TLL1: variants seen among roughly 807,000 people sequenced by gnomAD.
TLL1 encodes the protein tolloid like 1, also known as tolloid-like protein 1.
Under a neutral mutation model 128.2 loss-of-function variants are expected in TLL1, and 49 were observed. That is an observed-to-expected ratio of 0.38 (90% CI 0.30 to 0.48). TLL1 has a LOEUF of 0.48. Among genes scored for constraint, TLL1 ranks in the 20% least tolerant of loss-of-function variants. The probability of loss-of-function intolerance (pLI) is 0.96; values close to 1 mark genes in which losing one functional copy is unlikely to be tolerated. For missense variants in TLL1, 1,123 were observed against 1,242.0 expected, an observed-to-expected ratio of 0.90 and a Z score of 1.44; for synonymous variants, 454 against 418.8, an observed-to-expected ratio of 1.08 and a Z score of -1.03.
rs199821302 is a variant in TLL1, at chr4:166,092,980, TGCCCGTGCAC to T, written c.2656+1643_2656+1652del. Among the ~76,000 whole-genome samples, 898 of 152,280 alleles carry T rather than the reference TGCCCGTGCAC, an allele frequency of 5.9e-3. 16 individuals carry two copies. The highest frequency in any genetic ancestry group is 0.054 in the East Asian group (277 of 5,152). On this transcript the variant is annotated intron_variant, in intron 19 of 20. Coordinates refer to ENST00000061240, the MANE Select transcript of TLL1 (RefSeq NM_012464.5). ...ATAACTCCCTAATTTGCATGACTTC[TGCCCGTGCAC>T]GCCATTTGCGGTGTTTGCATTATGA...
intron 1 of TLL1, among the ~76,000 whole-genome samples, chr4:165,896,479 C>CTTTTTTTTTTTTTTT (rs70955648): frequency 2.0e-5 from 2 of 102,162 alleles, no homozygotes; most frequent in Non-Finnish European, 4.0e-5. Context: ...AATGGTATTT[C>CTTTTTTTTTTTTTTT]TTTTTTTTTT....
intron 8 of TLL1, among the ~76,000 whole-genome samples, chr4:166,024,791 C>A (rs1387840601): frequency 6.6e-6 from 1 of 151,254 alleles, no homozygotes; most frequent in Non-Finnish European, 1.5e-5. Flanking sequence ...TGTTTATATA[C>A]ATATATATTT....
chr4:166,093,652 G>A (rs1436759349), intron 19 of TLL1, among the ~76,000 whole-genome samples: 2 of 152,092 alleles, frequency 1.3e-5, no homozygotes, highest in African/African-American at 2.4e-5. Context: ...TACAGGTGTC[G>A]GGCTGGGGGA....
intron 1 of TLL1, among the ~76,000 whole-genome samples, chr4:165,959,270 G>T (rs952989038): frequency 1.1e-4 from 17 of 152,066 alleles, no homozygotes; most frequent in African/African-American, 4.1e-4. Context: ...TAGCTTGATG[G>T]GGATGGCATT....
At chr4:165,977,203 G>T (rs1183333767) in intron 1 of TLL1, among the ~76,000 whole-genome samples, 1 of 152,188 alleles carries the variant, frequency 6.6e-6, no homozygotes, top group Non-Finnish European at 1.5e-5. Flanking sequence ...ATCTCCACAT[G>T]TCGAGGGCAG....
intron 19 of TLL1, among the ~76,000 whole-genome samples, chr4:166,099,029 T>C (rs1042705567): frequency 6.6e-6 from 1 of 152,094 alleles, no homozygotes; most frequent in African/African-American, 2.4e-5. Flanking sequence ...CTCAAAGACA[T>C]CACTTACCCA....
At chr4:165,951,808 A>G (rs948464547) in intron 1 of TLL1, among the ~76,000 whole-genome samples, 2 of 152,126 alleles carry the variant, frequency 1.3e-5, no homozygotes, top group East Asian at 1.9e-4. Flanking sequence ...ACATCTTGCT[A>G]TATTCCAGAA....
Position 166,091,188 on chromosome 4 carries a change from T to C in TLL1, c.2503T>C (p.Phe835Leu), listed in dbSNP as rs1308007131. ...ATGTGCTTATGACCACTTAGAAGTA[T>C]TTGATGGAGAAACAGAAAAGTCACC... ...QECAYDHLEV[F>L]DGETEKSPIL... The change falls in exon 19 of 21, where the codon TTT (phenylalanine) becomes CTT (leucine). Residue 835 changes from phenylalanine (F) to leucine (L), a missense_variant. This residue lies in a region of TLL1 where 634 missense variants were observed against 672.4 expected (regional missense o/e 0.94). Coordinates refer to ENST00000061240, the MANE Select transcript of TLL1 (RefSeq NM_012464.5). The C allele has an allele frequency of 1.9e-6, 3 of 1,613,240 alleles. No individual in the cohort carries two copies. The highest frequency in any genetic ancestry group is 1.1e-5 in the South Asian group (1 of 91,064).
At position 165,991,509 on chromosome 4, in the gene TLL1, C is replaced by A. The variant is rs148774425; in HGVS notation, c.281-1295C>A. On this transcript the variant is annotated intron_variant, in intron 2 of 20. Coordinates refer to ENST00000061240, the MANE Select transcript of TLL1 (RefSeq NM_012464.5). ...TCTAAAATGTGCAATGAAAAAATTTCAAAAATGTTTCTCAAGATGCACAGC... is the reference window on the plus strand; with the variant it reads ...TCTAAAATGTGCAATGAAAAAATTTAAAAAATGTTTCTCAAGATGCACAGC... 4.5e-3 allele frequency among the ~76,000 whole-genome samples: 691 copies of A among 151,922 alleles called. 9 individuals are homozygous for A. Among genetic ancestry groups the A allele is most frequent in the African/African-American group, 0.015 (622 of 41,502 alleles).
At chr4:165,894,410 T>A (rs1460059) in intron 1 of TLL1, among the ~76,000 whole-genome samples, 75,242 of 152,004 alleles carry the variant, frequency 0.49, 19,965 homozygotes, top group East Asian at 0.86. Flanking sequence ...AAACTGGTAC[T>A]TAACGGAGTA....
intron 1 of TLL1, among the ~76,000 whole-genome samples, chr4:165,884,007 A>G (rs1380585): frequency 0.59 from 88,990 of 152,090 alleles, 27,258 homozygotes; most frequent in East Asian, 0.87. Flanking sequence ...GGATCAATTT[A>G]AAGAGCTTAG....
At chr4:166,006,432 G>A (rs183335711) in intron 6 of TLL1, among the ~76,000 whole-genome samples, 20 of 151,854 alleles carry the variant, frequency 1.3e-4, no homozygotes, top group South Asian at 2.1e-4. Flanking sequence ...CTGAAGTTGC[G>A]TAATGTTCTA....
intron 1 of TLL1, among the ~76,000 whole-genome samples, chr4:165,930,308 T>C (rs1207849400): frequency 6.6e-6 from 1 of 152,082 alleles, no homozygotes; most frequent in African/African-American, 2.4e-5. Context: ...AGTAGAGGGG[T>C]TATAATAAAC....
intron 13 of TLL1, among the ~76,000 whole-genome samples, chr4:166,055,523 G>A (rs1739964660): frequency 6.6e-6 from 1 of 152,114 alleles, no homozygotes; most frequent in South Asian, 2.1e-4. Context: ...GCAAGTTCCA[G>A]AAAAGGATAT....
At chr4:165,941,176 C>T (rs1486819587) in intron 1 of TLL1, among the ~76,000 whole-genome samples, 1 of 152,070 alleles carries the variant, frequency 6.6e-6, no homozygotes, top group South Asian at 2.1e-4. Flanking sequence ...GTTTATGACT[C>T]GCGCTATTGC....
chr4:166,042,779 A>G (rs10033747), intron 11 of TLL1, among the ~76,000 whole-genome samples: 4,380 of 152,258 alleles, frequency 0.029, 213 homozygotes, highest in African/African-American at 0.1. Context: ...AAACGGAAGC[A>G]TTTTGTTTTA....
At chr4:165,919,774 T>C in intron 1 of TLL1, 1 of 455,954 alleles carries the variant, frequency 2.2e-6, no homozygotes, top group Non-Finnish European at 4.4e-6. Flanking sequence ...TATTAGTGCC[T>C]CTTGCAGGCC....
intron 1 of TLL1, among the ~76,000 whole-genome samples, chr4:165,933,451 G>A (rs764497540): frequency 7.1e-4 from 108 of 152,210 alleles, no homozygotes; most frequent in Non-Finnish European, 1.3e-3. Context: ...TGCACAGACC[G>A]TCATCATCAT....
chr4:166,083,998 CCAA>C (rs1741396361), intron 18 of TLL1, among the ~76,000 whole-genome samples: 1 of 152,046 alleles, frequency 6.6e-6, no homozygotes. Context: ...ATTTACATTC[CCAA>C]CAACAGTATG....
Sources: allele counts gnomAD v4.1 joint callset (sites outside exome capture counted in the v4.1 genomes callset), GRCh38; gene constraint gnomAD v4.1.1; regional missense constraint gnomAD v4.1.1; transcripts MANE v1.5; gene names NCBI Gene and HGNC (gene_info 2026-07-23, HGNC 2026-07-21).